The following ALOXE3 variants were observed in gnomAD, a reference collection of about 807,000 sequenced individuals.
The protein encoded by ALOXE3 is hydroperoxide isomerase ALOXE3.
A neutral mutation model predicts 87.5 loss-of-function variants in ALOXE3; 78 were observed. The ratio of observed to expected loss-of-function variants is 0.89; its 90% CI spans 0.74 to 1.08. The LOEUF is 1.08. ALOXE3 is among the 50% of genes least tolerant of loss of function. The probability of loss-of-function intolerance (pLI) is 0.00; values close to 1 mark genes in which losing one functional copy is unlikely to be tolerated. For missense variants in ALOXE3, 946 were observed against 912.4 expected, an observed-to-expected ratio of 1.04 and a Z score of -0.47; for synonymous variants, 363 against 370.8, an observed-to-expected ratio of 0.98 and a Z score of 0.24.
rs541619175 is a variant in ALOXE3 at position 8,109,301 on chromosome 17, T to C, written c.1435A>G (p.Thr479Ala). 6.2e-7 allele frequency: 1 copy of C among 1,614,040 alleles called. No individual in the cohort carries two copies. Among genetic ancestry groups the C allele is most frequent in the African/African-American group, 1.3e-5 (1 of 75,046 alleles). ...GRQGLIYLMS[T>A]GLAHFTYTNF... ...GTGTAGGTGAAGTGGGCCAGGCCCG[T>C]GCTCATGAGGTAGATGAGGCCTTGC... is the stretch of plus-strand genomic sequence containing the variant. Residue 479 changes from threonine to alanine, a missense_variant, in exon 12 of 16, where the codon ACG becomes GCG. Physicochemically the swap from Thr to Ala is moderately conservative, Grantham distance 58 (BLOSUM62 0). Transcript: ENST00000448843.
intron 2 of ALOXE3, 126 bp from the exon 3 acceptor site, chr17:8,117,106 A>T (rs988811159): frequency 1.0e-5 from 9 of 884,446 alleles, no homozygotes; most frequent in Non-Finnish European, 1.6e-5. Flanking sequence ...CCCAGCCCAT[A>T]CCGGGCTTTT....
intron 3 of ALOXE3, among the ~76,000 whole-genome samples, 193 bp from the exon 4 acceptor site, chr17:8,115,881 G>A (rs577799581): frequency 2.6e-5 from 4 of 152,176 alleles, no homozygotes; most frequent in Non-Finnish European, 2.9e-5. Flanking sequence ...CCAAATTATA[G>A]CAATCTTCCC....
rs1240944347 is a variant in ALOXE3, at chr17:8,114,616, G to T, written c.555-7C>A. 1.2e-6 allele frequency: 2 copies of T among 1,613,970 alleles called. No individual in the cohort carries two copies. Among genetic ancestry groups the T allele is most frequent in the Non-Finnish European group, 1.7e-6 (2 of 1,179,974 alleles). Reference sequence around the variant, plus strand: ...CAGGTACCGATTCCCACTGCTGGGGGTCGGGGGAGTAGAAAGACAGAAACC... The same window carrying T: ...CAGGTACCGATTCCCACTGCTGGGGTTCGGGGGAGTAGAAAGACAGAAACC... On this transcript the variant is annotated splice_polypyrimidine_tract_variant and splice_region_variant and intron_variant, in intron 5 of 15. Coordinates refer to ENST00000448843, the MANE Select transcript of ALOXE3 (RefSeq NM_021628.3).
chr17:8,111,217 G>A lies in ALOXE3; in HGVS notation c.957+142C>T, dbSNP rs1273567458. On this transcript the variant is annotated intron_variant, in intron 8 of 15. Transcript: ENST00000448843. ...GTATCTGCTCTACTTAAAGTGTGCAGGACCATGGCTGCCCAGAGGATGAGG... is the reference window on the plus strand; with the variant it reads ...GTATCTGCTCTACTTAAAGTGTGCAAGACCATGGCTGCCCAGAGGATGAGG... 41 of 1,064,958 alleles carry A rather than the reference G, an allele frequency of 3.8e-5. No individual in the cohort carries two copies. The East Asian group carries it at 9.9e-4, about 26-fold the overall frequency. 66.0% of individuals were successfully genotyped at this position (1,064,958 alleles called of 1,614,324 possible).
In ALOXE3 at chr17:8,112,049, G is replaced by A. The variant is rs765268594; in HGVS notation, c.784+44C>T. ...GAAGGAGAGGAAGGGGTCTGAGCATGAGATAAGGTGAGGGGTAGACATCTC... is the reference window on the plus strand; with the variant it reads ...GAAGGAGAGGAAGGGGTCTGAGCATAAGATAAGGTGAGGGGTAGACATCTC... On this transcript the variant is annotated intron_variant, in intron 7 of 15. Transcript: ENST00000448843. The A allele has an allele frequency of 3.9e-6, 6 of 1,538,438 alleles. No homozygotes were observed. The Admixed American group carries it at 6.7e-5, about 17-fold the overall frequency.
chr17:8,109,379 C>G (rs376653779), intron 11 of ALOXE3, 36 bp from the exon 12 acceptor site: 22 of 1,607,110 alleles, frequency 1.4e-5, no homozygotes, highest in Non-Finnish European at 1.7e-5. Context: ...CCGGGCCGGC[C>G]CAATCCCCAC....
At position 8,110,151 on chromosome 17, in the gene ALOXE3, A is replaced by G. The variant is rs1979917479; in HGVS notation, c.1246T>C (p.Cys416Arg). 1.9e-6 allele frequency: 3 copies of G among 1,614,036 alleles called. No individual in the cohort carries two copies. Among genetic ancestry groups the G allele is most frequent in the Non-Finnish European group, 2.5e-6 (3 of 1,179,920 alleles). The change falls in exon 10 of 16, where the codon TGC becomes CGC. Residue 416 changes from cysteine to arginine, a missense_variant. Transcript: ENST00000448843. ...NTHFLCTHLL[C>R]EAFAMATLRQ... Reference sequence around the variant, plus strand: ...AGCGTGGCCATGGCGAAGGCCTCGCACAGCAAATGCGTGCACAGAAAGTGC... The same window carrying G: ...AGCGTGGCCATGGCGAAGGCCTCGCGCAGCAAATGCGTGCACAGAAAGTGC...
chr17:8,096,912 C>T (rs1978579707), intron 15 of ALOXE3, 106 bp from the exon 16 acceptor site: 3 of 1,312,066 alleles, frequency 2.3e-6, no homozygotes, highest in Admixed American at 3.7e-5. Flanking sequence ...TCTAGTAGCA[C>T]AACCCAGTTG....
chr17:8,114,113 G>A lies in ALOXE3; in HGVS notation c.680+371C>T, dbSNP rs113162640. ...CAAGGGGGGATGAATGATCGGACAG[G>A]CCCAGGAACGATGTCACCTGGGCTC... On this transcript the variant is annotated intron_variant, in intron 6 of 15. Coordinates refer to ENST00000448843, the MANE Select transcript of ALOXE3 (RefSeq NM_021628.3). Among the ~76,000 whole-genome samples the A allele has an allele frequency of 4.8e-3, 727 of 152,072 alleles. 4 individuals are homozygous for A. Among genetic ancestry groups the A allele is most frequent in the African/African-American group, 0.016 (661 of 41,470 alleles).
In ALOXE3 at chr17:8,117,098, C is replaced by T. The variant is rs549305196; in HGVS notation, c.148-118G>A. The T allele has an allele frequency of 2.3e-4, 214 of 927,612 alleles. 2 individuals are homozygous for T. In the African/African-American group the frequency reaches 3.1e-3, roughly 13 times the overall value. 57.5% of individuals were successfully genotyped at this position (927,612 alleles called of 1,614,324 possible). A position where few individuals can be genotyped will look rare whatever the true frequency, so the allele number is the denominator to read the frequency against. On this transcript the variant is annotated intron_variant, in intron 2 of 15. Coordinates refer to ENST00000448843, the MANE Select transcript of ALOXE3 (RefSeq NM_021628.3). ...CGGGCATACAAACCTGAGCTGCTCC[C>T]AGCCCATACCGGGCTTTTGTATGAA...
rs1223103196 is a variant in ALOXE3 at position 8,103,186 on chromosome 17, GAA to G, written c.1956+135_1956+136del. 147 of 983,222 alleles carry G rather than the reference GAA, an allele frequency of 1.5e-4. 1 individual carries two copies. In the East Asian group the frequency reaches 3.8e-3, roughly 26 times the overall value. The allele number at this position is 983,222 out of a possible 1,614,324, so 60.9% of individuals were successfully genotyped here. ...TCTTTTGGGATTATCATTTTCTGAAGAAATTGAAGAACCCAAGGCAGTTCTGC... is the reference window on the plus strand; with the variant it reads ...TCTTTTGGGATTATCATTTTCTGAAGATTGAAGAACCCAAGGCAGTTCTGC... On this transcript the variant is annotated intron_variant, in intron 15 of 15. Coordinates refer to ENST00000448843, the MANE Select transcript of ALOXE3 (RefSeq NM_021628.3).
chr17:8,118,911 G>A (rs1447002812), upstream of ALOXE3: 7 of 1,465,816 alleles, frequency 4.8e-6, no homozygotes, highest in Non-Finnish European at 6.3e-6. Flanking sequence ...CCGCGCGGCC[G>A]GTTCCGGCGC....
chr17:8,109,803 C>T lies in ALOXE3; in HGVS notation c.1392+113G>A, dbSNP rs1017711365. 1.4e-4 allele frequency: 152 copies of T among 1,117,516 alleles called. No individual in the cohort carries two copies. The African/African-American group carries it at 2.3e-3, about 17-fold the overall frequency. 69.2% of individuals were successfully genotyped at this position (1,117,516 alleles called of 1,614,324 possible). A position where few individuals can be genotyped will look rare whatever the true frequency, so the allele number is the denominator to read the frequency against. On this transcript the variant is annotated intron_variant, in intron 11 of 15. Coordinates refer to ENST00000448843, the MANE Select transcript of ALOXE3 (RefSeq NM_021628.3). Reference sequence around the variant, plus strand: ...GAGGCAGTGATTGTACAGGTGTTCTCACACCCCAGGTGTCCTCACAAGGGG... The same window carrying T: ...GAGGCAGTGATTGTACAGGTGTTCTTACACCCCAGGTGTCCTCACAAGGGG...
In ALOXE3 at chr17:8,103,404, G is replaced by C. The variant is rs778027843; in HGVS notation, c.1875C>G (p.Tyr625Ter). Residue 625 changes from tyrosine (Y) to a stop codon, truncating the protein, a stop_gained, in exon 15 of 16, where the codon TAC becomes TAG. Coordinates refer to ENST00000448843, the MANE Select transcript of ALOXE3 (RefSeq NM_021628.3). LOFTEE classifies it high-confidence loss of function. Reference protein sequence around the residue: ...QTKGTTTLKTYLDTLPEVNIS... With the variant: ...QTKGTTTLKT The stretch of plus-strand genomic sequence containing the variant: ...TGTTCACTTCAGGGAGGGTGTCTAG[G>C]TAAGTCTTCAGGGTGGTGGTCCCCT... The C allele has an allele frequency of 6.2e-7, 1 of 1,614,174 alleles. No homozygotes were observed. Among genetic ancestry groups the C allele is most frequent in the East Asian group, 2.2e-5 (1 of 44,882 alleles).
rs1233906479 is a variant in ALOXE3, at chr17:8,096,022, T to G, written c.*605A>C. ...TGAAATCTTTGGAGAAAGACAGATC[T>G]CCACAAACACCCCAGGCCTGGGAAC... On this transcript the variant is annotated 3_prime_UTR_variant, in exon 16 of 16. Coordinates refer to ENST00000448843, the MANE Select transcript of ALOXE3 (RefSeq NM_021628.3). 6.6e-6 allele frequency: 1 copy of G among 152,436 alleles called. No individual in the cohort carries two copies. The highest frequency in any genetic ancestry group is 1.5e-5 in the Non-Finnish European group (1 of 68,256). The allele number at this position is 152,436 out of a possible 1,614,324, so 9.4% of individuals were successfully genotyped here.
chr17:8,111,282 C>T lies in ALOXE3; in HGVS notation c.957+77G>A, dbSNP rs749547039. ...GCAGCCCAGGCCATTTCCATACCCT[C>T]CACACACATCCCTTGTCCATAATGG... On this transcript the variant is annotated intron_variant, in intron 8 of 15. Coordinates refer to ENST00000448843, the MANE Select transcript of ALOXE3 (RefSeq NM_021628.3). 3.8e-6 allele frequency: 6 copies of T among 1,573,190 alleles called. No homozygotes were observed. The African/African-American group carries it at 6.8e-5, about 18-fold the overall frequency.
intron 15 of ALOXE3, among the ~76,000 whole-genome samples, chr17:8,097,146 T>C (rs1199656676): frequency 1.3e-5 from 2 of 152,278 alleles, no homozygotes; most frequent in African/African-American, 4.8e-5. Context: ...AAAAAAATTT[T>C]TGAGGCAAGG....
Position 8,116,983 on chromosome 17 carries a change from G to C in ALOXE3, c.148-3C>G, listed in dbSNP as rs1276024055. ...CAACGCACCTTGTACTTCTGTACCTGAGGGGACCAAGACAGCAAGCAGGTG... is the reference window on the plus strand; with the variant it reads ...CAACGCACCTTGTACTTCTGTACCTCAGGGGACCAAGACAGCAAGCAGGTG... On this transcript the variant is annotated splice_region_variant and splice_polypyrimidine_tract_variant and intron_variant, in intron 2 of 15. Coordinates refer to ENST00000448843, the MANE Select transcript of ALOXE3 (RefSeq NM_021628.3). 6.2e-6 allele frequency: 10 copies of C among 1,613,112 alleles called. No individual in the cohort carries two copies. Among genetic ancestry groups the C allele is most frequent in the Non-Finnish European group, 8.5e-6 (10 of 1,179,530 alleles).
At position 8,114,621 on chromosome 17, in the gene ALOXE3, G is replaced by T. The variant is rs772870691; in HGVS notation, c.555-12C>A. Reference sequence around the variant, plus strand: ...ACCGATTCCCACTGCTGGGGGTCGGGGGAGTAGAAAGACAGAAACCAGTCA... The same window carrying T: ...ACCGATTCCCACTGCTGGGGGTCGGTGGAGTAGAAAGACAGAAACCAGTCA... On this transcript the variant is annotated splice_polypyrimidine_tract_variant and intron_variant, in intron 5 of 15. Coordinates refer to ENST00000448843, the MANE Select transcript of ALOXE3 (RefSeq NM_021628.3). 6.2e-7 allele frequency: 1 copy of T among 1,613,708 alleles called. No individual in the cohort carries two copies. The highest frequency in any genetic ancestry group is 1.1e-5 in the South Asian group (1 of 91,060).
Sources: allele counts gnomAD v4.1 joint callset (sites outside exome capture counted in the v4.1 genomes callset), GRCh38; gene constraint gnomAD v4.1.1; transcripts MANE v1.5; gene names NCBI Gene and HGNC (gene_info 2026-07-23, HGNC 2026-07-21).